The following GNB4 variants were observed in gnomAD, a reference collection of about 807,000 sequenced individuals.
The protein encoded by GNB4 is guanine nucleotide-binding protein subunit beta-4.
A neutral mutation model predicts 45.2 loss-of-function variants in GNB4; 28 were observed. That is an observed-to-expected ratio of 0.62 (90% CI 0.46 to 0.85). The LOEUF is 0.85. Ranked by LOEUF, GNB4 falls within the 40% of genes least tolerant of loss-of-function variation. The pLI is 0.00. For synonymous variants in GNB4, 132 were observed against 143.7 expected (o/e 0.92, Z 0.58); for missense variants, 321 against 425.4 (o/e 0.75, Z 2.16).
At chr3:179,474,120 T>G in the GNB4 span, among the ~76,000 whole-genome samples, 1 of 152,188 alleles carries the variant, frequency 6.6e-6, no homozygotes, top group Admixed American at 6.5e-5. Flanking sequence ...AGCCCAGGAA[T>G]TCAAGGCTTA....
At chr3:179,494,055 A>G in the GNB4 span, among the ~76,000 whole-genome samples, 1 of 152,188 alleles carries the variant, frequency 6.6e-6, no homozygotes, top group Non-Finnish European at 1.5e-5. Flanking sequence ...GCTTGTCTCA[A>G]TGGATCTAGA....
chr3:179,454,906 A>C (rs1020930936), upstream of GNB4, among the ~76,000 whole-genome samples: 1 of 152,230 alleles, frequency 6.6e-6, no homozygotes, highest in Non-Finnish European at 1.5e-5. Flanking sequence ...TCCCAAGGAC[A>C]TGAGAAGCAA....
the GNB4 span, among the ~76,000 whole-genome samples, chr3:179,487,210 A>G: frequency 3.9e-5 from 6 of 152,258 alleles, no homozygotes; most frequent in African/African-American, 1.4e-4. Context: ...CCAGTGTTTA[A>G]CAAAGAAAGG....
chr3:179,398,089 A>G lies in GNB4; in HGVS notation c.*3124T>C, dbSNP rs968356184. On this transcript the variant is annotated 3_prime_UTR_variant, in exon 10 of 10. Transcript: ENST00000232564. ...ATGCTCAACACCACAGGGTGATAAC[A>G]TACTTAGAAAAGAATATGTATCTCT... 2.0e-5 allele frequency: 3 copies of G among 152,174 alleles called. No individual in the cohort carries two copies. Among genetic ancestry groups the G allele is most frequent in the Non-Finnish European group, 4.4e-5 (3 of 68,034 alleles). The allele number at this position is 152,174 out of a possible 1,614,324, so 9.4% of individuals were successfully genotyped here.
intron 8 of GNB4, among the ~76,000 whole-genome samples, chr3:179,411,922 C>A (rs1480282080): frequency 1.3e-5 from 2 of 152,146 alleles, no homozygotes; most frequent in African/African-American, 4.8e-5. Flanking sequence ...CATATCTGTA[C>A]TGTTTGGCAT....
At chr3:179,443,792 T>G (rs1715652183) in intron 1 of GNB4, among the ~76,000 whole-genome samples, 1 of 152,204 alleles carries the variant, frequency 6.6e-6, no homozygotes, top group Non-Finnish European at 1.5e-5. Context: ...CAGGTTTAGA[T>G]TAGCAGCTAA....
chr3:179,516,150 A>T, the GNB4 span, among the ~76,000 whole-genome samples: 2 of 152,144 alleles, frequency 1.3e-5, no homozygotes, highest in African/African-American at 4.8e-5. Flanking sequence ...TTTAAGTTGG[A>T]GGCTGCCTGT....
chr3:179,444,925 CA>C (rs1422914182), intron 1 of GNB4, among the ~76,000 whole-genome samples: 1 of 151,722 alleles, frequency 6.6e-6, no homozygotes, highest in Non-Finnish European at 1.5e-5. Context: ...TAGTTAATGA[CA>C]AATTTTCATA....
At chr3:179,499,808 G>C in the GNB4 span, among the ~76,000 whole-genome samples, 1 of 152,094 alleles carries the variant, frequency 6.6e-6, no homozygotes, top group Non-Finnish European at 1.5e-5. Context: ...ATGTGGTTTT[G>C]ATTTGCATTT....
chr3:179,463,858 A>G, the GNB4 span, among the ~76,000 whole-genome samples: 3 of 152,140 alleles, frequency 2.0e-5, no homozygotes, highest in East Asian at 3.8e-4. Context: ...TTGTCTCCTA[A>G]TAGTCAAATA....
intron 1 of GNB4, among the ~76,000 whole-genome samples, chr3:179,444,331 A>G (rs1379029248): frequency 6.6e-6 from 1 of 152,100 alleles, no homozygotes; most frequent in Non-Finnish European, 1.5e-5. Context: ...GTTAACACAA[A>G]CCATGAAAAC....
the GNB4 span, chr3:179,465,186 A>G: frequency 3.1e-6 from 4 of 1,303,838 alleles, no homozygotes; most frequent in East Asian, 9.3e-5. Flanking sequence ...AGAGTTCATG[A>G]TCCTGTAACT....
chr3:179,435,269 A>G (rs944055037), intron 1 of GNB4, among the ~76,000 whole-genome samples: 3 of 152,128 alleles, frequency 2.0e-5, no homozygotes, highest in African/African-American at 7.2e-5. Context: ...TAAGGCTTTC[A>G]TGAACCCATA....
At chr3:179,402,881 C>G (rs139912896) in intron 9 of GNB4, among the ~76,000 whole-genome samples, 1 of 152,166 alleles carries the variant, frequency 6.6e-6, no homozygotes, top group Admixed American at 6.5e-5. Context: ...GACAGATCAT[C>G]CTGCGCTGTG....
chr3:179,488,347 T>C, the GNB4 span, among the ~76,000 whole-genome samples: 1 of 152,202 alleles, frequency 6.6e-6, no homozygotes, highest in Non-Finnish European at 1.5e-5. Context: ...GTGTGTTTTT[T>C]CAGTATGCAT....
the GNB4 span, among the ~76,000 whole-genome samples, chr3:179,466,001 C>G: frequency 7.3e-6 from 1 of 136,124 alleles, no homozygotes; most frequent in African/African-American, 2.8e-5. Context: ...GCCTCATCCT[C>G]TAGTCGTTTT....
At chr3:179,479,675 T>C in the GNB4 span, among the ~76,000 whole-genome samples, 1 of 152,184 alleles carries the variant, frequency 6.6e-6, no homozygotes, top group Non-Finnish European at 1.5e-5. Context: ...TGTGAGCCAA[T>C]TGGTTAGTTC....
intron 2 of GNB4, among the ~76,000 whole-genome samples, chr3:179,425,134 A>G (rs942342050): frequency 2.6e-4 from 40 of 152,180 alleles, no homozygotes; most frequent in Non-Finnish European, 5.7e-4. Context: ...TTCCTACAAG[A>G]TGGCATGTCT....
chr3:179,432,781 A>G (rs1243775216), intron 1 of GNB4, among the ~76,000 whole-genome samples: 2 of 152,238 alleles, frequency 1.3e-5, no homozygotes, highest in African/African-American at 4.8e-5. Flanking sequence ...TTTTGACAGC[A>G]GAAGAGAAAG....
Sources: allele counts gnomAD v4.1 joint callset (sites outside exome capture counted in the v4.1 genomes callset), GRCh38; gene constraint gnomAD v4.1.1; transcripts MANE v1.5; gene names NCBI Gene and HGNC (gene_info 2026-07-23, HGNC 2026-07-21).